Variants in KCNMA1 observed in about 807,000 individuals in gnomAD.
KCNMA1 encodes the protein potassium calcium-activated channel subfamily M alpha 1.
Under a neutral mutation model 140.0 loss-of-function variants are expected in KCNMA1, and 29 were observed. The ratio of observed to expected loss-of-function variants is 0.21; its 90% CI spans 0.15 to 0.28. KCNMA1 has a LOEUF of 0.28. Ranked by LOEUF, KCNMA1 falls within the 10% of genes least tolerant of loss-of-function variation. KCNMA1 has a pLI of 1.00. For synonymous variants in KCNMA1, 612 were observed against 611.9 expected, an observed-to-expected ratio of 1.00 and a Z score of 0.00; for missense variants, 880 against 1,602.2, an observed-to-expected ratio of 0.55 and a Z score of 7.70.
intron 2 of KCNMA1, among the ~76,000 whole-genome samples, chr10:77,283,154 G>A (rs2069324451): frequency 6.6e-6 from 1 of 152,218 alleles, no homozygotes; most frequent in South Asian, 2.1e-4. Context: ...GAGATGTTGG[G>A]TGTGTATCCT....
chr10:76,886,566 C>T lies in KCNMA1; in HGVS notation c.*700G>A. On this transcript the variant is annotated 3_prime_UTR_variant, in exon 28 of 28. Coordinates refer to ENST00000286628, the MANE Select transcript of KCNMA1 (RefSeq NM_001161352.2). ...CATGATTGGAATACTATTCTCTCCT[C>T]CATATTAAGGTGAGAAATGTTCATA... 4 of 986,040 alleles carry T rather than the reference C, an allele frequency of 4.1e-6. No homozygotes were observed. The highest frequency in any genetic ancestry group is 3.6e-6 in the Non-Finnish European group (3 of 830,368). The allele number at this position is 986,040 out of a possible 1,614,324, so 61.1% of individuals were successfully genotyped here. A position where few individuals can be genotyped will look rare whatever the true frequency, so the allele number is the denominator to read the frequency against.
At chr10:77,159,109 C>T (rs749598381) in intron 5 of KCNMA1, among the ~76,000 whole-genome samples, 6 of 152,158 alleles carry the variant, frequency 3.9e-5, no homozygotes, top group South Asian at 2.1e-4. Context: ...ATATATGACA[C>T]GGCTGTGAAT....
chr10:77,340,165 C>T (rs1049477395), intron 2 of KCNMA1, among the ~76,000 whole-genome samples: 15 of 152,242 alleles, frequency 9.9e-5, no homozygotes, highest in African/African-American at 3.1e-4. Flanking sequence ...CAATGAGATA[C>T]CATCTCACAC....
intron 1 of KCNMA1, among the ~76,000 whole-genome samples, chr10:77,414,477 G>GT (rs2096691251): frequency 1.3e-5 from 2 of 151,924 alleles, no homozygotes; most frequent in Non-Finnish European, 2.9e-5. Context: ...AGATAGGAAT[G>GT]TTTTTTCTTT....
intron 25 of KCNMA1, among the ~76,000 whole-genome samples, chr10:76,900,186 AATC>A (rs1488538993): frequency 2.0e-5 from 3 of 152,114 alleles, no homozygotes; most frequent in Non-Finnish European, 4.4e-5. Flanking sequence ...TAATATAACA[AATC>A]ATGCACTTAT....
intron 1 of KCNMA1, chr10:77,634,372 A>G (rs1341247651): frequency 1.0e-6 from 1 of 985,360 alleles, no homozygotes; most frequent in Non-Finnish European, 1.2e-6. Flanking sequence ...ACTCTTTTCA[A>G]AAGACTAAAG....
intron 3 of KCNMA1, among the ~76,000 whole-genome samples, chr10:77,191,099 T>C (rs951855671): frequency 3.9e-5 from 6 of 152,212 alleles, no homozygotes; most frequent in African/African-American, 1.2e-4. Flanking sequence ...TCTAAGTGAT[T>C]TGAAGCTTTC....
intron 3 of KCNMA1, among the ~76,000 whole-genome samples, chr10:77,220,892 G>A (rs1599098811): frequency 6.6e-6 from 1 of 152,078 alleles, no homozygotes; most frequent in Non-Finnish European, 1.5e-5. Context: ...TTAGCAACTG[G>A]GTTCTACAAA....
intron 2 of KCNMA1, among the ~76,000 whole-genome samples, chr10:77,380,315 G>T (rs2095337278): frequency 6.6e-6 from 1 of 152,040 alleles, no homozygotes; most frequent in Admixed American, 6.5e-5. Context: ...CAGCTCAAGG[G>T]GCCTCCCTCC....
intron 14 of KCNMA1, among the ~76,000 whole-genome samples, chr10:77,053,878 T>C (rs1205750147): frequency 6.6e-6 from 1 of 152,170 alleles, no homozygotes; most frequent in Non-Finnish European, 1.5e-5. Context: ...CCATTTTTTT[T>C]ACAGCAGGTA....
chr10:77,295,280 G>C (rs1157144234), intron 2 of KCNMA1, among the ~76,000 whole-genome samples: 1 of 152,004 alleles, frequency 6.6e-6, no homozygotes, highest in Non-Finnish European at 1.5e-5. Flanking sequence ...CCCGGAGGCA[G>C]AGGTTGCAGT....
intron 14 of KCNMA1, among the ~76,000 whole-genome samples, chr10:77,048,171 G>C (rs1258110765): frequency 7.2e-6 from 1 of 138,828 alleles, no homozygotes; most frequent in African/African-American, 2.6e-5. Context: ...CCAATGCAAG[G>C]TACAAATCCA....
chr10:77,515,010 A>G (rs2049883611), intron 1 of KCNMA1, among the ~76,000 whole-genome samples: 1 of 152,150 alleles, frequency 6.6e-6, no homozygotes, highest in African/African-American at 2.4e-5. Flanking sequence ...GAAAACAGAG[A>G]GAGGGCTCTC....
chr10:77,558,902 A>G (rs916061999), intron 1 of KCNMA1, among the ~76,000 whole-genome samples: 1 of 152,228 alleles, frequency 6.6e-6, no homozygotes, highest in African/African-American at 2.4e-5. Context: ...CCTCTTTCTA[A>G]TGAGTCTTTC....
At chr10:77,115,918 C>T (rs1467835067) in intron 6 of KCNMA1, among the ~76,000 whole-genome samples, 1 of 152,208 alleles carries the variant, frequency 6.6e-6, no homozygotes, top group Non-Finnish European at 1.5e-5. Context: ...CCCTGGTGGG[C>T]ATTCTCCACA....
chr10:77,382,498 T>C (rs1164131736), intron 2 of KCNMA1, among the ~76,000 whole-genome samples: 1 of 152,190 alleles, frequency 6.6e-6, no homozygotes, highest in Admixed American at 6.5e-5. Flanking sequence ...CAGGTCATTC[T>C]AAATTTTCTA....
At chr10:77,367,785 T>C (rs538527798) in intron 2 of KCNMA1, among the ~76,000 whole-genome samples, 1 of 152,346 alleles carries the variant, frequency 6.6e-6, no homozygotes, top group South Asian at 2.1e-4. Context: ...GGAAGTAACA[T>C]AAATGAAATT....
chr10:77,392,364 C>T (rs1036423923), intron 2 of KCNMA1, among the ~76,000 whole-genome samples: 2 of 152,050 alleles, frequency 1.3e-5, no homozygotes, highest in African/African-American at 2.4e-5. Context: ...TGCCCAGGCC[C>T]CTGGGATTCA....
At chr10:77,180,201 T>G (rs2098792193) in intron 5 of KCNMA1, among the ~76,000 whole-genome samples, 1 of 152,206 alleles carries the variant, frequency 6.6e-6, no homozygotes, top group Non-Finnish European at 1.5e-5. Flanking sequence ...CCTTCCACTT[T>G]CCAGGAGAAG....
Sources: gnomAD v4.1 joint callset for allele counts (sites outside exome capture counted in the v4.1 genomes callset) on GRCh38, gnomAD v4.1.1 for gene constraint, MANE v1.5 for transcripts, NCBI Gene and HGNC (gene_info 2026-07-23, HGNC 2026-07-21) for gene names.